CD276: variants seen among roughly 807,000 people sequenced by gnomAD.
CD276 encodes CD276 molecule.
CD276 carries 34 observed loss-of-function variants against 50.0 expected under a neutral mutation model. The observed-to-expected ratio is 0.68, with a 90% CI of 0.52 to 0.91. CD276 has a LOEUF of 0.91. Ranked by LOEUF, CD276 falls within the 40% of genes least tolerant of loss-of-function variation. The probability of loss-of-function intolerance (pLI) is 0.00; values close to 1 mark genes in which losing one functional copy is unlikely to be tolerated. For missense variants in CD276, 634 were observed against 717.5 expected, an observed-to-expected ratio of 0.88 and a Z score of 1.33; for synonymous variants, 275 against 313.0, an observed-to-expected ratio of 0.88 and a Z score of 1.28.
intron 1 of CD276, among the ~76,000 whole-genome samples, chr15:73,688,583 A>G (rs1170349477): frequency 6.6e-6 from 1 of 152,184 alleles, no homozygotes; most frequent in East Asian, 1.9e-4. Context: ...TAAGTGAGGA[A>G]GAGAGATAGG....
In CD276 at chr15:73,708,435, G is replaced by A; in HGVS notation, c.1466G>A (p.Trp489Ter). Residue 489 changes from tryptophan (W) to a stop codon, truncating the protein, a stop_gained, in exon 7 of 10, where the codon TGG becomes TAG. Coordinates refer to ENST00000318443, the MANE Select transcript of CD276 (RefSeq NM_001024736.2). LOFTEE classifies it high-confidence loss of function. ...ALLVALAFVC[W>*]RKIKQSCEEE... ...CTGGTGGCCCTGGCTTTCGTGTGCT[G>A]GAGAAAGATCAAACAGAGCTGTGAG... 1 of 1,613,992 alleles carries A rather than the reference G, an allele frequency of 6.2e-7. No individual in the cohort carries two copies. The highest frequency in any genetic ancestry group is 8.5e-7 in the Non-Finnish European group (1 of 1,179,980).
intron 6 of CD276, among the ~76,000 whole-genome samples, chr15:73,705,833 A>G (rs1900626784): frequency 6.6e-6 from 1 of 152,178 alleles, no homozygotes; most frequent in Non-Finnish European, 1.5e-5. Flanking sequence ...GCTGAGCTGG[A>G]TATTTGCGAT....
At position 73,701,320 on chromosome 15, in the gene CD276, C is replaced by T. The variant is rs142840579; in HGVS notation, c.80-935C>T. ...AGCTGAAACCGCCCCTAACTGGCCT[C>T]CCCCTTGCCCTGCCACAGTCCAGTC... is the stretch of plus-strand genomic sequence containing the variant. On this transcript the variant is annotated intron_variant, in intron 2 of 9. Transcript: ENST00000318443. Among the ~76,000 whole-genome samples, 465 of 152,318 alleles carry T rather than the reference C, an allele frequency of 3.1e-3. 6 individuals are homozygous for T. The highest frequency in any genetic ancestry group is 6.8e-3 in the Middle Eastern group (2 of 294).
intron 7 of CD276, among the ~76,000 whole-genome samples, chr15:73,709,348 A>G (rs571227971): frequency 1.5e-5 from 2 of 137,310 alleles, no homozygotes; most frequent in Non-Finnish European, 3.2e-5. Context: ...TTGACTGGGT[A>G]AGTGGTGCAC....
intron 2 of CD276, among the ~76,000 whole-genome samples, chr15:73,700,062 T>C (rs1900317765): frequency 6.6e-6 from 1 of 152,134 alleles, no homozygotes; most frequent in South Asian, 2.1e-4. Flanking sequence ...AGGTCTTTGC[T>C]CAATGTCACC....
At chr15:73,703,226 A>T in intron 4 of CD276, 140 bp downstream of exon 4, 1 of 1,062,742 alleles carries the variant, frequency 9.4e-7, no homozygotes, top group Non-Finnish European at 1.3e-6. Flanking sequence ...GATAACGGGG[A>T]GGTGGGGATG....
Position 73,713,287 on chromosome 15 carries a change from C to T in CD276, c.*331C>T, listed in dbSNP as rs1900984891. 2.9e-6 allele frequency: 1 copy of T among 346,810 alleles called. No homozygotes were observed. Among genetic ancestry groups the T allele is most frequent in the Non-Finnish European group, 5.2e-6 (1 of 191,670 alleles). The allele number at this position is 346,810 out of a possible 1,614,324, so 21.5% of individuals were successfully genotyped here. On this transcript the variant is annotated 3_prime_UTR_variant, in exon 10 of 10. Coordinates refer to ENST00000318443, the MANE Select transcript of CD276 (RefSeq NM_001024736.2). The stretch of plus-strand genomic sequence containing the variant: ...TGACCACATCACCACCCTCTTCTTC[C>T]AGTGCTGCGTGGACCATCTGGCTGC...
intron 1 of CD276, among the ~76,000 whole-genome samples, chr15:73,692,162 C>T (rs1274419390): frequency 6.6e-5 from 10 of 152,150 alleles, no homozygotes; most frequent in Non-Finnish European, 1.2e-4. Context: ...ATGCTGTCCC[C>T]TCCGCCAGAT....
chr15:73,695,765 G>T (rs2141548960), intron 1 of CD276, among the ~76,000 whole-genome samples: 1 of 152,364 alleles, frequency 6.6e-6, no homozygotes, highest in East Asian at 1.9e-4. Flanking sequence ...GGCATAGCTG[G>T]ATCCAGGGAC....
Position 73,697,291 on chromosome 15 carries a change from G to C in CD276, c.-54-2295G>C, listed in dbSNP as rs114828990. 3.6e-3 allele frequency among the ~76,000 whole-genome samples: 550 copies of C among 152,144 alleles called. 4 individuals are homozygous for C. The highest frequency in any genetic ancestry group is 0.013 in the African/African-American group (526 of 41,500). ...CCACTGTAGACAGCTGGGAGAGAAG[G>C]GGGGCTGGCCAGGATGCACATGGTT... On this transcript the variant is annotated intron_variant, in intron 1 of 9. Transcript: ENST00000318443.
At chr15:73,685,474 TG>T (rs1899716741) in intron 1 of CD276, among the ~76,000 whole-genome samples, 6 of 149,474 alleles carry the variant, frequency 4.0e-5, no homozygotes, top group Admixed American at 1.3e-4. Flanking sequence ...TGTGTGTGTG[TG>T]TGTGTGTGTG....
At chr15:73,690,532 G>A (rs913204299) in intron 1 of CD276, 4 of 357,896 alleles carry the variant, frequency 1.1e-5, no homozygotes, top group East Asian at 7.5e-5. Context: ...GGCATCTGGC[G>A]AGGGCCTTCT....
At chr15:73,705,775 G>C (rs1900625014) in intron 6 of CD276, among the ~76,000 whole-genome samples, 1 of 152,166 alleles carries the variant, frequency 6.6e-6, no homozygotes, top group African/African-American at 2.4e-5. Context: ...AATGGGAGCT[G>C]AGAAGGCCTT....
In CD276 at chr15:73,714,147, T is replaced by C; in HGVS notation, c.*1191T>C. On this transcript the variant is annotated 3_prime_UTR_variant, in exon 10 of 10. Coordinates refer to ENST00000318443, the MANE Select transcript of CD276 (RefSeq NM_001024736.2). ...TCGCCACGGCTAGAGAATCTGGTGG[T>C]GTCCAAAATGTCTGTCCAGGTGTGG... 3.7e-6 allele frequency: 1 copy of C among 273,006 alleles called. No individual in the cohort carries two copies. The highest frequency in any genetic ancestry group is 7.0e-6 in the Non-Finnish European group (1 of 143,678). The allele number at this position is 273,006 out of a possible 1,614,324, so 16.9% of individuals were successfully genotyped here.
chr15:73,708,400 C>T lies in CD276; in HGVS notation c.1431C>T (p.Leu477=). 7 of 1,614,188 alleles carry T rather than the reference C, an allele frequency of 4.3e-6. No homozygotes were observed. The highest frequency in any genetic ancestry group is 5.9e-6 in the Non-Finnish European group (7 of 1,180,030). Residue 477 remains leucine (L), a synonymous_variant, in exon 7 of 10, where the codon CTC becomes CTT. Coordinates refer to ENST00000318443, the MANE Select transcript of CD276 (RefSeq NM_001024736.2). Reference sequence around the variant, plus strand: ...TGACCGTGGGGCTGTCTGTCTGTCTCATTGCACTGCTGGTGGCCCTGGCTT... The same window carrying T: ...TGACCGTGGGGCTGTCTGTCTGTCTTATTGCACTGCTGGTGGCCCTGGCTT... ...LWVTVGLSVC[L]IALLVALAFV... is the part of the protein sequence containing the mutation.
intron 1 of CD276, 48 bp from the exon 2 acceptor site, chr15:73,699,538 C>G (rs777020173): frequency 6.5e-7 from 1 of 1,543,084 alleles, no homozygotes; most frequent in Non-Finnish European, 8.7e-7. Flanking sequence ...AAGAGATGGT[C>G]TGGGGAGAAC....
At position 73,685,453 on chromosome 15, in the gene CD276, T is replaced by TTGTGTGTG. The variant is rs55859831; in HGVS notation, c.-55+1028_-55+1035dup. Among the ~76,000 whole-genome samples the TTGTGTGTG allele has an allele frequency of 2.2e-3, 291 of 131,914 alleles. 2 individuals are homozygous for TTGTGTGTG. Among genetic ancestry groups the TTGTGTGTG allele is most frequent in the East Asian group, 0.011 (42 of 3,972 alleles). The allele number at this position is 131,914 out of a possible 152,430, so 86.5% of individuals were successfully genotyped here. Reference sequence around the variant, plus strand: ...AAGCAAATAGTAAAGCAAAAAAGATTTGTGTGTGTGTGTGTGTGTGTGTGT... The same window carrying TTGTGTGTG: ...AAGCAAATAGTAAAGCAAAAAAGATTTGTGTGTGTGTGTGTGTGTGTGTGTGTGTGTGT... On this transcript the variant is annotated intron_variant, in intron 1 of 9. Transcript: ENST00000318443.
chr15:73,713,660 C>A lies in CD276; in HGVS notation c.*704C>A. 2.5e-6 allele frequency: 1 copy of A among 395,308 alleles called. No homozygotes were observed. Among genetic ancestry groups the A allele is most frequent in the Non-Finnish European group, 4.9e-6 (1 of 204,756 alleles). The allele number at this position is 395,308 out of a possible 1,614,324, so 24.5% of individuals were successfully genotyped here. On this transcript the variant is annotated 3_prime_UTR_variant, in exon 10 of 10. Coordinates refer to ENST00000318443, the MANE Select transcript of CD276 (RefSeq NM_001024736.2). The stretch of plus-strand genomic sequence containing the variant: ...ACCTGCAGGTGCACGTGCTGGAACA[C>A]GTGTGGTTCCCCCCTGGCCCAGCCT...
At chr15:73,698,619 G>C (rs1386514665) in intron 1 of CD276, among the ~76,000 whole-genome samples, 1 of 152,110 alleles carries the variant, frequency 6.6e-6, no homozygotes, top group East Asian at 1.9e-4. Context: ...GGAGTGCAGT[G>C]GTGCAATCTT....
Sources: allele counts gnomAD v4.1 joint callset (sites outside exome capture counted in the v4.1 genomes callset), GRCh38; gene constraint gnomAD v4.1.1; transcripts MANE v1.5; gene names NCBI Gene and HGNC (gene_info 2026-07-23, HGNC 2026-07-21).